The following MORN1 variants were observed in gnomAD, a reference collection of about 807,000 sequenced individuals.
MORN1 encodes the protein MORN repeat containing 1.
MORN1 carries 67 observed loss-of-function variants against 61.9 expected under a neutral mutation model. The observed-to-expected ratio is 1.08, with a 90% CI of 0.89 to 1.33. The LOEUF (loss-of-function observed/expected upper bound fraction) is 1.33. Among genes scored for constraint, MORN1 ranks in the 40% most tolerant of loss-of-function variants. The pLI is 0.00. For synonymous variants in MORN1, 301 were observed against 292.0 expected, an observed-to-expected ratio of 1.03 and a Z score of -0.31; for missense variants, 752 against 691.2, an observed-to-expected ratio of 1.09 and a Z score of -0.99.
intron 10 of MORN1, 130 bp from the exon 11 acceptor site, chr1:2,336,980 TGGTG>T (rs1041723025): frequency 3.7e-5 from 41 of 1,104,444 alleles, no homozygotes; most frequent in Middle Eastern, 3.3e-4. Context: ...GATGCCATCT[TGGTG>T]GGGGCAGGTC....
intron 10 of MORN1, among the ~76,000 whole-genome samples, chr1:2,346,417 G>A (rs1037593606): frequency 2.6e-5 from 4 of 152,180 alleles, no homozygotes; most frequent in Admixed American, 6.5e-5. Flanking sequence ...ACAAAGTCTC[G>A]CTCTGTCGCC....
At chr1:2,349,370 C>A (rs887077938) in intron 10 of MORN1, among the ~76,000 whole-genome samples, 1 of 152,194 alleles carries the variant, frequency 6.6e-6, no homozygotes, top group African/African-American at 2.4e-5. Context: ...CACAAGGCTG[C>A]CTGAAGGCAG....
intron 10 of MORN1, among the ~76,000 whole-genome samples, chr1:2,356,922 G>A (rs945057000): frequency 3.3e-5 from 5 of 152,318 alleles, no homozygotes; most frequent in African/African-American, 1.2e-4. Context: ...GTTGGGGGCT[G>A]GGGGGTTCTG....
chr1:2,366,332 T>C (rs982526276), intron 8 of MORN1, among the ~76,000 whole-genome samples: 1 of 10,474 alleles, frequency 9.5e-5, no homozygotes, highest in Non-Finnish European at 1.8e-4. Context: ...TGTTGTGGGG[T>C]GGGGGGAGGT....
chr1:2,383,511 T>C (rs1386162903), intron 6 of MORN1, among the ~76,000 whole-genome samples: 1 of 152,214 alleles, frequency 6.6e-6, no homozygotes, highest in East Asian at 1.9e-4. Context: ...TAGGAGAATC[T>C]TGGCAAGGAA....
At chr1:2,329,577 C>A (rs1569916972) in intron 12 of MORN1, among the ~76,000 whole-genome samples, 1 of 152,150 alleles carries the variant, frequency 6.6e-6, no homozygotes, top group Non-Finnish European at 1.5e-5. Context: ...AGCCTGAGAC[C>A]CACTGCCCAG....
At chr1:2,360,841 TCA>T (rs952963853) in intron 8 of MORN1, among the ~76,000 whole-genome samples, 1 of 151,984 alleles carries the variant, frequency 6.6e-6, no homozygotes, top group African/African-American at 2.4e-5. Context: ...AACTCAGAGG[TCA>T]CAGGAAGCGG....
intron 2 of MORN1, among the ~76,000 whole-genome samples, chr1:2,389,113 C>CA (rs549291051): frequency 0.5 from 56,269 of 112,544 alleles, 12,611 homozygotes; most frequent in East Asian, 0.69. Context: ...ACTCTGTCTC[C>CA]AAAAAAAAAA....
intron 10 of MORN1, among the ~76,000 whole-genome samples, chr1:2,344,078 G>A (rs553736987): frequency 4.6e-5 from 7 of 152,312 alleles, no homozygotes; most frequent in Admixed American, 4.6e-4. Context: ...AGAGAAAGGA[G>A]TGTGGGAGGG....
intron 6 of MORN1, chr1:2,378,989 C>T (rs746341839): frequency 4.0e-5 from 19 of 470,230 alleles, no homozygotes; most frequent in South Asian, 1.4e-4. Flanking sequence ...AGCTGTAACA[C>T]GTTTATTTTC....
chr1:2,380,624 A>C (rs578257720), intron 6 of MORN1, among the ~76,000 whole-genome samples: 3 of 152,164 alleles, frequency 2.0e-5, no homozygotes, highest in South Asian at 4.2e-4. Flanking sequence ...AGCTCACTAC[A>C]ACCTCTGCCT....
At chr1:2,391,338 C>G (rs1642657016) in intron 1 of MORN1, 120 bp downstream of exon 1, 1 of 1,165,122 alleles carries the variant, frequency 8.6e-7, no homozygotes, top group East Asian at 3.2e-5. Context: ...CTGGCTCCGC[C>G]GCGGCACCTG....
intron 12 of MORN1, among the ~76,000 whole-genome samples, 156 bp downstream of exon 12, chr1:2,336,313 G>A (rs1261431342): frequency 6.6e-6 from 1 of 152,208 alleles, no homozygotes; most frequent in African/African-American, 2.4e-5. Context: ...ACCCTGGCTG[G>A]CGGGGGGGCT....
At chr1:2,368,872 C>T (rs1642049330) in intron 8 of MORN1, among the ~76,000 whole-genome samples, 1 of 151,872 alleles carries the variant, frequency 6.6e-6, no homozygotes, top group African/African-American at 2.4e-5. Context: ...TTCTGGCCAA[C>T]ATGGTGAAAC....
intron 7 of MORN1, 92 bp downstream of exon 7, chr1:2,374,369 C>A: frequency 9.0e-7 from 1 of 1,117,212 alleles, no homozygotes; most frequent in East Asian, 2.6e-5. Context: ...CCAGTGTGCT[C>A]TTGGTCAGTG....
At chr1:2,323,543 T>TG (rs1012251814) in intron 13 of MORN1, 94 of 985,096 alleles carry the variant, frequency 9.5e-5, no homozygotes, top group Middle Eastern at 1.0e-3. Flanking sequence ...TCTGGCTTGG[T>TG]GGGGGGGTGC....
intron 12 of MORN1, chr1:2,326,477 A>T (rs1641028365): frequency 6.6e-6 from 1 of 152,246 alleles, no homozygotes; most frequent in Non-Finnish European, 1.5e-5. Flanking sequence ...GAGGTGGTGC[A>T]GATTTGCAGG....
In MORN1 at chr1:2,335,614, C is replaced by T. The variant is rs148761213; in HGVS notation, c.1250+855G>A. Among the ~76,000 whole-genome samples, 436 of 152,258 alleles carry T rather than the reference C, an allele frequency of 2.9e-3. 1 individual carries two copies. The highest frequency in any genetic ancestry group is 0.01 in the African/African-American group (421 of 41,540). On this transcript the variant is annotated intron_variant, in intron 12 of 13. Coordinates refer to ENST00000378531, the MANE Select transcript of MORN1 (RefSeq NM_024848.3). ...GATTTTTCCTGCAGGGTCTGTGCAC[C>T]GCGTCACCAAAATCTTTTGCTCCAA...
intron 8 of MORN1, among the ~76,000 whole-genome samples, chr1:2,368,372 C>T (rs978364439): frequency 2.6e-5 from 4 of 152,210 alleles, no homozygotes; most frequent in African/African-American, 9.6e-5. Flanking sequence ...CATATTTATA[C>T]CCACTTTTAA....
Sources: allele counts gnomAD v4.1 joint callset (sites outside exome capture counted in the v4.1 genomes callset), GRCh38; gene constraint gnomAD v4.1.1; transcripts MANE v1.5; gene names NCBI Gene and HGNC (gene_info 2026-07-23, HGNC 2026-07-21).